The following ASPRV1 variants were observed in gnomAD, a reference collection of about 807,000 sequenced individuals.
The protein encoded by ASPRV1 is retroviral-like aspartic protease 1.
A neutral mutation model predicts 11.0 loss-of-function variants in ASPRV1; 7 were observed. That is an observed-to-expected ratio of 0.64 (90% confidence interval 0.36 to 1.20). ASPRV1 has a LOEUF of 1.20. Ranked by LOEUF, ASPRV1 falls within the 50% of genes most tolerant of loss-of-function variation. ASPRV1 has a pLI of 0.02. For missense variants in ASPRV1, 299 were observed against 320.0 expected (o/e 0.93, Z 0.50); for synonymous variants, 136 against 138.4 (o/e 0.98, Z 0.12).
downstream of ASPRV1, among the ~76,000 whole-genome samples, chr2:69,956,889 A>G (rs970055666): frequency 3.3e-5 from 5 of 152,194 alleles, no homozygotes; most frequent in African/African-American, 1.2e-4. Flanking sequence ...TGAACATCAG[A>G]TTCAGCCAAA....
chr2:70,008,443 G>T, the ASPRV1 span, among the ~76,000 whole-genome samples: 1 of 152,070 alleles, frequency 6.6e-6, no homozygotes, highest in Non-Finnish European at 1.5e-5. Context: ...TGAGGCTGCC[G>T]ATGAAGTCAG....
the ASPRV1 span, among the ~76,000 whole-genome samples, chr2:69,978,164 G>C: frequency 3.9e-5 from 6 of 152,216 alleles, no homozygotes; most frequent in Non-Finnish European, 7.3e-5. Flanking sequence ...CTTAAGGCCA[G>C]GCAGTGATCC....
chr2:69,979,893 T>C, the ASPRV1 span, among the ~76,000 whole-genome samples: 1 of 152,164 alleles, frequency 6.6e-6, no homozygotes, highest in African/African-American at 2.4e-5. Flanking sequence ...ATCACCCACT[T>C]GGAGGATGCT....
At chr2:70,045,905 G>C in the ASPRV1 span, 1 of 152,236 alleles carries the variant, frequency 6.6e-6, no homozygotes, top group Non-Finnish European at 1.5e-5. Context: ...CTGGGCAATA[G>C]AGCGAGACTC....
chr2:70,044,308 T>A, the ASPRV1 span, among the ~76,000 whole-genome samples: 1 of 152,146 alleles, frequency 6.6e-6, no homozygotes, highest in African/African-American at 2.4e-5. Flanking sequence ...CCCCTGAAAT[T>A]ATACCACTTG....
At chr2:70,056,396 G>A in the ASPRV1 span, 36 of 152,122 alleles carry the variant, frequency 2.4e-4, no homozygotes, top group African/African-American at 8.4e-4. Flanking sequence ...ACGAGGTCAG[G>A]AGATCGAGAC....
At chr2:70,051,945 A>C in the ASPRV1 span, among the ~76,000 whole-genome samples, 16 of 152,274 alleles carry the variant, frequency 1.1e-4, no homozygotes, top group South Asian at 3.3e-3. Context: ...ACTGCACTCC[A>C]GTGTGGGTGA....
At chr2:70,021,267 T>G in the ASPRV1 span, among the ~76,000 whole-genome samples, 1 of 152,190 alleles carries the variant, frequency 6.6e-6, no homozygotes, top group African/African-American at 2.4e-5. Flanking sequence ...TATTCCATGG[T>G]GTGTACATAC....
the ASPRV1 span, among the ~76,000 whole-genome samples, chr2:70,060,536 G>A: frequency 6.6e-6 from 1 of 152,146 alleles, no homozygotes; most frequent in Non-Finnish European, 1.5e-5. Flanking sequence ...ATAGTCGCCG[G>A]GCACAGTGGC....
At chr2:70,050,480 T>C in the ASPRV1 span, 1 of 151,982 alleles carries the variant, frequency 6.6e-6, no homozygotes, top group East Asian at 1.9e-4. Flanking sequence ...ATTGGTCTAG[T>C]AGCAGAAAAA....
chr2:69,935,544 C>T, the ASPRV1 span: 11 of 969,672 alleles, frequency 1.1e-5, no homozygotes, highest in South Asian at 1.2e-4. Context: ...CCAGGACAGT[C>T]CTCTCCCCTG....
the ASPRV1 span, chr2:70,046,711 TGGTATAAAGGGGAACTGAAGGTG>T: frequency 6.6e-6 from 1 of 151,658 alleles, no homozygotes; most frequent in Admixed American, 6.6e-5. Context: ...CTTCAGCAGG[TGGTATAAAGGGGAACTGAAGGTG>T]AAGTCTAGGG....
the ASPRV1 span, among the ~76,000 whole-genome samples, chr2:70,064,311 AG>A: frequency 1.3e-4 from 19 of 151,890 alleles, no homozygotes; most frequent in African/African-American, 4.6e-4. Context: ...CCCCCTCCCT[AG>A]TGCCCCACCT....
the ASPRV1 span, among the ~76,000 whole-genome samples, chr2:69,977,375 C>A: frequency 9.2e-4 from 140 of 152,274 alleles, no homozygotes; most frequent in African/African-American, 3.0e-3. Context: ...AGCCCTGCCC[C>A]CTCAGGGTTC....
chr2:69,989,085 A>G, the ASPRV1 span, among the ~76,000 whole-genome samples: 1 of 152,234 alleles, frequency 6.6e-6, no homozygotes, highest in Non-Finnish European at 1.5e-5. Flanking sequence ...CTTTGCAAGA[A>G]TCTGCATGGG....
At chr2:69,958,217 G>A (rs1187889946), downstream of ASPRV1, among the ~76,000 whole-genome samples, 1 of 152,086 alleles carries the variant, frequency 6.6e-6, no homozygotes, top group Non-Finnish European at 1.5e-5. Context: ...ATGCAGCAGC[G>A]GTCTCAGCCT....
the ASPRV1 span, chr2:69,940,176 A>C: frequency 6.8e-6 from 1 of 147,968 alleles, no homozygotes; most frequent in Non-Finnish European, 1.5e-5. Flanking sequence ...AATTTTTGGA[A>C]TCTTTTCCAA....
At chr2:70,055,627 G>C in the ASPRV1 span, 3 of 152,110 alleles carry the variant, frequency 2.0e-5, no homozygotes, top group Admixed American at 6.6e-5. Flanking sequence ...AGGGCTGTTG[G>C]GGGGTGGGGG....
chr2:70,042,377 A>C, the ASPRV1 span, among the ~76,000 whole-genome samples: 1 of 152,094 alleles, frequency 6.6e-6, no homozygotes, highest in African/African-American at 2.4e-5. Context: ...CTACCTACTA[A>C]AGCCTAGATG....
Sources: gnomAD v4.1 joint callset for allele counts (sites outside exome capture counted in the v4.1 genomes callset) on GRCh38, gnomAD v4.1.1 for gene constraint, MANE v1.5 for transcripts, NCBI Gene and HGNC (gene_info 2026-07-23, HGNC 2026-07-21) for gene names.